The following ST18 variants were observed in gnomAD, a reference collection of about 807,000 sequenced individuals.
The protein encoded by ST18 is suppression of tumorigenicity 18 protein.
ST18 carries 50 observed loss-of-function variants against 110.0 expected under a neutral mutation model. The observed-to-expected ratio is 0.45, with a 90% CI of 0.36 to 0.58. The LOEUF (loss-of-function observed/expected upper bound fraction) is 0.58, where lower values mean the gene tolerates loss of function less well. ST18 is among the 20% of genes least tolerant of loss of function. ST18 has a pLI of 0.00. For missense variants in ST18, 1,306 were observed against 1,280.1 expected (o/e 1.02, Z -0.31); for synonymous variants, 461 against 452.4 (o/e 1.02, Z -0.24).
intron 2 of ST18, among the ~76,000 whole-genome samples, chr8:52,272,084 C>A (rs967910700): frequency 5.3e-5 from 8 of 152,084 alleles, no homozygotes; most frequent in Non-Finnish European, 1.0e-4. Context: ...AAATGTAAGA[C>A]CAGAAACTGT....
chr8:52,309,888 C>G lies in ST18; in HGVS notation c.-464-79811G>C, dbSNP rs529577464. Among the ~76,000 whole-genome samples, 12 of 152,096 alleles carry G rather than the reference C, an allele frequency of 7.9e-5. No individual in the cohort carries two copies. The South Asian group carries it at 2.5e-3, about 32-fold the overall frequency. The stretch of plus-strand genomic sequence containing the variant: ...TACTTTCCCCACCCAGGACTAGAAA[C>G]AGAAGCATTTAATACAATGCTGTTA... On this transcript the variant is annotated intron_variant, in intron 2 of 25. Coordinates refer to ENST00000689386, the MANE Select transcript of ST18 (RefSeq NM_001352837.2).
At chr8:52,369,122 T>TA (rs1829287968) in intron 2 of ST18, among the ~76,000 whole-genome samples, 1 of 152,240 alleles carries the variant, frequency 6.6e-6, no homozygotes, top group African/African-American at 2.4e-5. Flanking sequence ...CACTATTTAA[T>TA]AATGTCTATT....
intron 18 of ST18, 148 bp downstream of exon 18, chr8:52,137,273 T>G (rs1303345175): frequency 1.0e-5 from 8 of 775,502 alleles, no homozygotes; most frequent in Non-Finnish European, 1.6e-5. Context: ...TTATATCACA[T>G]AATTTTATTT....
At chr8:52,288,709 A>AT (rs1257861728) in intron 2 of ST18, among the ~76,000 whole-genome samples, 1 of 152,044 alleles carries the variant, frequency 6.6e-6, no homozygotes, top group African/African-American at 2.4e-5. Context: ...ATAAAAAAAA[A>AT]AAAATAAAAG....
intron 2 of ST18, among the ~76,000 whole-genome samples, chr8:52,402,533 C>T (rs189367971): frequency 3.4e-4 from 51 of 152,236 alleles, no homozygotes; most frequent in South Asian, 1.7e-3. Context: ...GTGTTCTAGA[C>T]GCTCAGTCCC....
At chr8:52,326,716 T>A (rs1432299831) in intron 2 of ST18, among the ~76,000 whole-genome samples, 1 of 152,154 alleles carries the variant, frequency 6.6e-6, no homozygotes, top group African/African-American at 2.4e-5. Flanking sequence ...AGGGAGTGCA[T>A]GATTTCATAA....
intron 2 of ST18, among the ~76,000 whole-genome samples, chr8:52,263,743 CTT>C (rs755461916): frequency 0.045 from 4,239 of 94,402 alleles, 122 homozygotes; most frequent in African/African-American, 0.1. Context: ...CAGTGCCTGG[CTT>C]TTTTTTTTTT....
chr8:52,300,895 C>T (rs2095710954), intron 2 of ST18, among the ~76,000 whole-genome samples: 1 of 151,910 alleles, frequency 6.6e-6, no homozygotes, highest in Non-Finnish European at 1.5e-5. Context: ...ATGTGAGAGA[C>T]AGAAAGAGAA....
In ST18 at chr8:52,111,047, A is replaced by G; in HGVS notation, c.*2151T>C. On this transcript the variant is annotated 3_prime_UTR_variant, in exon 26 of 26. Coordinates refer to ENST00000689386, the MANE Select transcript of ST18 (RefSeq NM_001352837.2). ...ATTAACATAGTTGAAAAGAAAACAAATTCAGTGCACATTACAAAACACATC... is the reference window on the plus strand; with the variant it reads ...ATTAACATAGTTGAAAAGAAAACAAGTTCAGTGCACATTACAAAACACATC... The G allele has an allele frequency of 2.5e-6, 1 of 398,794 alleles. No homozygotes were observed. Among genetic ancestry groups the G allele is most frequent in the Non-Finnish European group, 4.4e-6 (1 of 225,912 alleles). 24.7% of individuals were successfully genotyped at this position (398,794 alleles called of 1,614,324 possible).
chr8:52,368,322 C>A (rs1423112669), intron 2 of ST18, among the ~76,000 whole-genome samples: 2 of 152,092 alleles, frequency 1.3e-5, no homozygotes, highest in African/African-American at 2.4e-5. Context: ...GAACAAAATT[C>A]ACAAACAAAT....
intron 2 of ST18, among the ~76,000 whole-genome samples, chr8:52,369,152 T>C (rs1012548090): frequency 2.0e-5 from 3 of 152,236 alleles, no homozygotes; most frequent in African/African-American, 7.2e-5. Flanking sequence ...ATGAAAATTA[T>C]ATTTCTATGA....
At chr8:52,254,027 A>G (rs2094442165) in intron 2 of ST18, among the ~76,000 whole-genome samples, 1 of 151,902 alleles carries the variant, frequency 6.6e-6, no homozygotes, top group Non-Finnish European at 1.5e-5. Context: ...CATTTAAAAT[A>G]ATGCTCAAAT....
intron 2 of ST18, among the ~76,000 whole-genome samples, chr8:52,301,476 C>T (rs1328888773): frequency 6.6e-6 from 1 of 152,160 alleles, no homozygotes; most frequent in Non-Finnish European, 1.5e-5. Context: ...AAACTATCAT[C>T]TCAATATATG....
rs577387291 is a variant in ST18 at position 52,159,015 on chromosome 8, G to A, written c.1689C>T (p.Tyr563=). ...QSPGRASSYS[Y]GQCSEDTHIA... ...TGTGGGTGTCTTCACTACATTGACC[G>A]TAGCTATAAGAGCTGGCACGGCCAG... is the stretch of plus-strand genomic sequence containing the variant. The change falls in exon 15 of 26, where the codon TAC becomes TAT. Residue 563 remains tyrosine (Y), a synonymous_variant. Transcript: ENST00000689386. 44 of 1,614,164 alleles carry A rather than the reference G, an allele frequency of 2.7e-5. No individual in the cohort carries two copies. Among genetic ancestry groups the A allele is most frequent in the East Asian group, 6.7e-5 (3 of 44,876 alleles).
rs769835502 is a variant in ST18 at position 52,158,955 on chromosome 8, G to C, written c.1749C>G (p.Thr583=). Residue 583 remains threonine, a synonymous_variant, in exon 15 of 26, where the codon ACC becomes ACG. Transcript: ENST00000689386. ...AAAAAILNLS[T]RCREATDILS... The stretch of plus-strand genomic sequence containing the variant: ...GGATGTCTGTGGCTTCCCTGCAGCG[G>C]GTGGAAAGGTTCAGGATGGCAGCAG... 6.2e-7 allele frequency: 1 copy of C among 1,614,044 alleles called. No individual in the cohort carries two copies. The highest frequency in any genetic ancestry group is 8.5e-7 in the Non-Finnish European group (1 of 1,179,920).
intron 17 of ST18, among the ~76,000 whole-genome samples, chr8:52,139,938 A>G (rs1045425579): frequency 1.4e-4 from 22 of 152,236 alleles, no homozygotes; most frequent in Non-Finnish European, 3.1e-4. Context: ...TGCCAATATT[A>G]GTTGGGTGAT....
chr8:52,173,783 A>ATTGGT (rs2065887737), intron 9 of ST18, among the ~76,000 whole-genome samples: 2 of 152,220 alleles, frequency 1.3e-5, no homozygotes. Context: ...TAAAGACACC[A>ATTGGT]AGAGCAGTGC....
At chr8:52,165,341 C>A (rs2133382642) in intron 11 of ST18, 116 bp from the exon 12 acceptor site, 1 of 884,718 alleles carries the variant, frequency 1.1e-6, no homozygotes, top group Middle Eastern at 2.2e-4. Context: ...ATCCACCATG[C>A]TCTCTCTCTC....
intron 8 of ST18, among the ~76,000 whole-genome samples, chr8:52,188,074 G>A (rs765250231): frequency 1.6e-4 from 24 of 152,046 alleles, no homozygotes; most frequent in Non-Finnish European, 3.1e-4. Context: ...TATCAATGTC[G>A]TAAGTTTTAA....
Sources: allele counts gnomAD v4.1 joint callset (sites outside exome capture counted in the v4.1 genomes callset), GRCh38; gene constraint gnomAD v4.1.1; transcripts MANE v1.5; gene names NCBI Gene and HGNC (gene_info 2026-07-23, HGNC 2026-07-21).